ARHGEF10L: variants seen among roughly 807,000 people sequenced by gnomAD.
ARHGEF10L encodes the protein Rho guanine nucleotide exchange factor 10 like.
A neutral mutation model predicts 141.2 loss-of-function variants in ARHGEF10L; 69 were observed. That is an observed-to-expected ratio of 0.49 (90% CI 0.40 to 0.60). ARHGEF10L has a LOEUF of 0.60. ARHGEF10L is among the 20% of genes least tolerant of loss of function. The pLI, the probability that ARHGEF10L is intolerant of heterozygous loss-of-function variation, is 0.00. For missense variants in ARHGEF10L, 1,482 were observed against 1,734.3 expected (o/e 0.85, Z 2.58); for synonymous variants, 711 against 718.5 (o/e 0.99, Z 0.17).
Position 17,639,459 on chromosome 1 carries a change from G to C in ARHGEF10L, c.2172-743G>C, listed in dbSNP as rs2061204606. Among the ~76,000 whole-genome samples the C allele has an allele frequency of 6.6e-6, 1 of 152,184 alleles. No individual in the cohort carries two copies. The highest frequency in any genetic ancestry group is 2.4e-5 in the African/African-American group (1 of 41,450). ...GTTGGAGCACTATCATTTGAGGTAG[G>C]ACCATGGGCTCAGTCCCCCAGGGGA... On this transcript the variant is annotated intron_variant, in intron 20 of 28. Transcript: ENST00000361221. The surrounding 1 kb of genome is among the most constrained non-coding windows in gnomAD (Gnocchi z 4.3).
intron 8 of ARHGEF10L, among the ~76,000 whole-genome samples, chr1:17,613,866 A>T (rs80223599): frequency 6.6e-6 from 1 of 152,090 alleles, no homozygotes; most frequent in Non-Finnish European, 1.5e-5. Flanking sequence ...GGCCTCTCTG[A>T]GCCTCGGTTT....
chr1:17,632,282 C>G (rs1319298403), intron 15 of ARHGEF10L, 39 bp from the exon 16 acceptor site: 15 of 1,608,592 alleles, frequency 9.3e-6, no homozygotes, highest in Non-Finnish European at 1.1e-5. Context: ...AGCCGCCGGG[C>G]CGCGATGCTG....
chr1:17,614,485 T>C (rs1023766734), intron 8 of ARHGEF10L, among the ~76,000 whole-genome samples: 1 of 152,208 alleles, frequency 6.6e-6, no homozygotes, highest in Non-Finnish European at 1.5e-5. Flanking sequence ...GGGCCTCAGA[T>C]GATCCCTTGA....
chr1:17,663,967 G>A (rs568068868), intron 25 of ARHGEF10L, among the ~76,000 whole-genome samples: 6 of 152,272 alleles, frequency 3.9e-5, no homozygotes, highest in Non-Finnish European at 7.4e-5. Context: ...CAGTTCTCAA[G>A]GCCCTTGTGC....
intron 1 of ARHGEF10L, among the ~76,000 whole-genome samples, chr1:17,547,033 T>C (rs1441582015): frequency 4.6e-5 from 6 of 130,500 alleles, no homozygotes; most frequent in African/African-American, 1.7e-4. Context: ...TCTCCACTCT[T>C]GTGTCTTTCC....
intron 25 of ARHGEF10L, among the ~76,000 whole-genome samples, chr1:17,659,072 A>G (rs1176177659): frequency 6.6e-6 from 1 of 152,162 alleles, no homozygotes; most frequent in African/African-American, 2.4e-5. Context: ...GAGGGCTCCA[A>G]CTTGTCTCAG....
rs143212008 is a variant in ARHGEF10L, at chr1:17,697,202, T to C, written c.3662T>C (p.Val1221Ala). 4 of 1,611,674 alleles carry C rather than the reference T, an allele frequency of 2.5e-6. No individual in the cohort carries two copies. Among genetic ancestry groups the C allele is most frequent in the African/African-American group, 1.3e-5 (1 of 74,868 alleles). The change falls in exon 29 of 29, where the codon GTG becomes GCG. Residue 1221 changes from valine to alanine, a missense_variant. By Grantham distance (64) the Val-to-Ala change is moderately conservative (BLOSUM62 0). Coordinates refer to ENST00000361221, the MANE Select transcript of ARHGEF10L (RefSeq NM_018125.4). This position sits in a 1 kb window ranked among gnomAD's most constrained non-coding sequence, Gnocchi z 4.8. The part of the protein sequence containing the change: ...YEMADDPDIW[V>A]RSRPCARDAH... Reference sequence around the variant, plus strand: ...ATGGCCGACGACCCCGACATCTGGGTGCGCAGCCGGCCCTGCGCCCGCGAC... The same window carrying C: ...ATGGCCGACGACCCCGACATCTGGGCGCGCAGCCGGCCCTGCGCCCGCGAC...
At chr1:17,683,988 C>A (rs1386035540) in intron 26 of ARHGEF10L, among the ~76,000 whole-genome samples, 1 of 152,200 alleles carries the variant, frequency 6.6e-6, no homozygotes, top group African/African-American at 2.4e-5. Context: ...TGTGAGCATG[C>A]AGATACCTCT....
Position 17,595,987 on chromosome 1 carries a change from C to A in ARHGEF10L, c.258-6140C>A, listed in dbSNP as rs751993941. 1.6e-3 allele frequency among the ~76,000 whole-genome samples: 239 copies of A among 152,308 alleles called. 1 individual carries two copies. The highest frequency in any genetic ancestry group is 3.4e-3 in the Middle Eastern group (1 of 292). ...ACATTCAGTAACTTGTCCCGGTGCA[C>A]ACAGCCAAGTGGCTGAGCCACAGTC... On this transcript the variant is annotated intron_variant, in intron 4 of 28. Transcript: ENST00000361221.
chr1:17,676,225 T>G (rs1403610650), intron 26 of ARHGEF10L, among the ~76,000 whole-genome samples: 1 of 137,986 alleles, frequency 7.2e-6, no homozygotes, highest in East Asian at 2.2e-4. Context: ...TGGGTACAGG[T>G]GTATGTTCAT....
At chr1:17,675,835 T>C (rs763126079) in intron 26 of ARHGEF10L, among the ~76,000 whole-genome samples, 1 of 116,428 alleles carries the variant, frequency 8.6e-6, no homozygotes, top group African/African-American at 3.4e-5. Context: ...TACAGGTGTG[T>C]GTTCAGGTGT....
Position 17,686,078 on chromosome 1 carries a change from T to TTTTCTTTC in ARHGEF10L, c.3010-1471_3010-1464dup, listed in dbSNP as rs537589890. On this transcript the variant is annotated intron_variant, in intron 26 of 28. Coordinates refer to ENST00000361221, the MANE Select transcript of ARHGEF10L (RefSeq NM_018125.4). ...TGGTGTGTTTGTTTTGTTTTGTTTTTTTTCTTTCTTTCTTTCTTTCTTTCT... is the reference window on the plus strand; with the variant it reads ...TGGTGTGTTTGTTTTGTTTTGTTTTTTTTCTTTCTTTCTTTCTTTCTTTCTTTCTTTCT... Among the ~76,000 whole-genome samples, 404 of 140,594 alleles carry TTTTCTTTC rather than the reference T, an allele frequency of 2.9e-3. 5 individuals carry two copies. The highest frequency in any genetic ancestry group is 0.027 in the East Asian group (121 of 4,556). 92.2% of individuals were successfully genotyped at this position (140,594 alleles called of 152,430 possible). A position where few individuals can be genotyped will look rare whatever the true frequency, so the allele number is the denominator to read the frequency against.
At chr1:17,631,044 G>A (rs1260390292) in intron 15 of ARHGEF10L, among the ~76,000 whole-genome samples, 1 of 148,966 alleles carries the variant, frequency 6.7e-6, no homozygotes, top group Non-Finnish European at 1.5e-5. Flanking sequence ...TTTCTCTCTG[G>A]GGAGGCTCAG....
Position 17,602,150 on chromosome 1 carries a change from G to T in ARHGEF10L, c.281G>T (p.Gly94Val). 6.3e-7 allele frequency: 1 copy of T among 1,579,070 alleles called. No homozygotes were observed. The part of the protein sequence containing the change: ...GTGVPAWVSN[G>V]DAADAAFSGA... Reference sequence around the variant, plus strand: ...AGGGTGCCAGCCTGGGTGAGCAATGGGGATGCAGCGGACGCAGCCTTCTCC... The same window carrying T: ...AGGGTGCCAGCCTGGGTGAGCAATGTGGATGCAGCGGACGCAGCCTTCTCC... The change falls in exon 5 of 29, where the codon GGG becomes GTG. Residue 94 changes from glycine to valine, a missense_variant. Gly to Val is a moderately radical substitution (Grantham distance 109). Coordinates refer to ENST00000361221, the MANE Select transcript of ARHGEF10L (RefSeq NM_018125.4).
intron 21 of ARHGEF10L, among the ~76,000 whole-genome samples, chr1:17,645,726 C>T (rs1458695505): frequency 2.0e-5 from 3 of 152,150 alleles, no homozygotes; most frequent in Admixed American, 6.5e-5. Flanking sequence ...GGACAAGGTG[C>T]GTCGCAGGCA....
the ARHGEF10L span, among the ~76,000 whole-genome samples, chr1:17,523,386 G>A: frequency 6.6e-6 from 1 of 152,054 alleles, no homozygotes; most frequent in Non-Finnish European, 1.5e-5. Flanking sequence ...ACCGCGCCCG[G>A]CCCACCATTG....
At chr1:17,675,238 C>G (rs187114791) in intron 26 of ARHGEF10L, among the ~76,000 whole-genome samples, 2 of 152,328 alleles carry the variant, frequency 1.3e-5, no homozygotes, top group Admixed American at 1.3e-4. Context: ...CAGAACCACC[C>G]TTCCCTGCAG....
rs779250848 is a variant in ARHGEF10L at position 17,613,070 on chromosome 1, C to G, written c.622C>G (p.Leu208Val). The change falls in exon 8 of 29, where the codon CTG becomes GTG. Residue 208 changes from leucine to valine, a missense_variant. By Grantham distance (32) the Leu-to-Val change is conservative. Around this residue, in one of 3 missense-constraint regions of ARHGEF10L, gnomAD observed 392 missense variants for 542.1 expected, o/e 0.72. Coordinates refer to ENST00000361221, the MANE Select transcript of ARHGEF10L (RefSeq NM_018125.4). The stretch of plus-strand genomic sequence containing the variant: ...CTTGGGGCTCCAGCTTTCTCCAGAC[C>G]TGACTAGGCTAAAGGAGAGATACGC... ...VSFQPKLSPDLTRLKERYART... is the reference protein window; with the variant it reads ...VSFQPKLSPDVTRLKERYART... The G allele has an allele frequency of 6.2e-7, 1 of 1,613,800 alleles. No homozygotes were observed. The highest frequency in any genetic ancestry group is 1.7e-5 in the Admixed American group (1 of 59,994).
chr1:17,693,929 G>C (rs377340376), intron 27 of ARHGEF10L: 1 of 152,188 alleles, frequency 6.6e-6, no homozygotes, highest in South Asian at 2.1e-4. Context: ...CGTCCACCCT[G>C]TGTGTGACAT....
Sources: gnomAD v4.1 joint callset for allele counts (sites outside exome capture counted in the v4.1 genomes callset) on GRCh38, gnomAD v4.1.1 for gene constraint, gnomAD v4.1.1 regional missense constraint, Gnocchi (gnomAD v3.1) non-coding constraint, MANE v1.5 for transcripts, NCBI Gene and HGNC (gene_info 2026-07-23, HGNC 2026-07-21) for gene names.